Variants in MMP16 observed in about 807,000 individuals in gnomAD.
The protein encoded by MMP16 is matrix metallopeptidase 16.
In MMP16, 12 loss-of-function variants were observed where a neutral mutation model predicts 67.8. The ratio of observed to expected loss-of-function variants is 0.18; its 90% CI spans 0.11 to 0.29. The LOEUF (loss-of-function observed/expected upper bound fraction) is 0.29. Among genes scored for constraint, MMP16 ranks in the 10% least tolerant of loss-of-function variants. The pLI is 1.00. For missense variants in MMP16, 475 were observed against 765.7 expected (o/e 0.62, Z 4.48); for synonymous variants, 249 against 255.9 (o/e 0.97, Z 0.26).
chr8:88,048,730 C>A (rs995039499), intron 8 of MMP16, among the ~76,000 whole-genome samples: 1 of 152,112 alleles, frequency 6.6e-6, no homozygotes, highest in Non-Finnish European at 1.5e-5. Flanking sequence ...CAATGCTTTT[C>A]CCCCCACTAA....
chr8:88,130,760 G>A (rs911023709), intron 4 of MMP16, among the ~76,000 whole-genome samples: 3 of 24,884 alleles, frequency 1.2e-4, no homozygotes, highest in African/African-American at 8.7e-4. Flanking sequence ...TGTGAAATAC[G>A]TGTGTGTGTG....
chr8:88,203,888 T>C (rs571387910), intron 1 of MMP16, among the ~76,000 whole-genome samples: 2 of 152,302 alleles, frequency 1.3e-5, no homozygotes, highest in East Asian at 3.9e-4. Flanking sequence ...AATAGCTATT[T>C]TGGGATATGA....
chr8:88,187,376 T>C (rs1809092257), intron 2 of MMP16, among the ~76,000 whole-genome samples: 1 of 152,190 alleles, frequency 6.6e-6, no homozygotes, highest in African/African-American at 2.4e-5. Flanking sequence ...ACATTTTCTA[T>C]CTATTCTTGC....
At chr8:88,231,698 A>G (rs1282146850) in intron 1 of MMP16, among the ~76,000 whole-genome samples, 2 of 152,194 alleles carry the variant, frequency 1.3e-5, no homozygotes, top group Admixed American at 6.5e-5. Flanking sequence ...CTGTGAAAAC[A>G]TTCCTGGTAG....
intron 1 of MMP16, among the ~76,000 whole-genome samples, chr8:88,203,338 G>A (rs553714907): frequency 5.9e-5 from 9 of 151,956 alleles, no homozygotes; most frequent in Admixed American, 2.6e-4. Context: ...TCTTGACCTC[G>A]TGATCCACCC....
At chr8:88,186,975 G>C (rs948259034) in intron 2 of MMP16, among the ~76,000 whole-genome samples, 5 of 152,080 alleles carry the variant, frequency 3.3e-5, no homozygotes, top group African/African-American at 1.2e-4. Flanking sequence ...TGCCACTAAG[G>C]AGTTATTCCA....
intron 1 of MMP16, among the ~76,000 whole-genome samples, chr8:88,217,391 A>G (rs1443628797): frequency 6.6e-6 from 1 of 152,094 alleles, no homozygotes; most frequent in Admixed American, 6.6e-5. Context: ...ATTTACTACT[A>G]TGGTAACAAA....
intron 6 of MMP16, among the ~76,000 whole-genome samples, chr8:88,082,994 A>C: frequency 6.6e-6 from 1 of 152,130 alleles, no homozygotes; most frequent in Middle Eastern, 3.4e-3. Flanking sequence ...CACAAAAGAA[A>C]CTTCAAATAA....
chr8:88,165,059 T>C (rs1017425572), intron 4 of MMP16, among the ~76,000 whole-genome samples: 1 of 151,422 alleles, frequency 6.6e-6, no homozygotes, highest in African/African-American at 2.4e-5. Flanking sequence ...AGAGTGTTGG[T>C]TGATGCCTAA....
At chr8:88,273,248 C>CTTTT (rs575063640) in intron 1 of MMP16, among the ~76,000 whole-genome samples, 5 of 132,310 alleles carry the variant, frequency 3.8e-5, no homozygotes, top group Non-Finnish European at 6.4e-5. Flanking sequence ...CCATGCCTGG[C>CTTTT]TTTTTTTTTT....
chr8:88,073,028 C>T (rs1047515135), intron 7 of MMP16, among the ~76,000 whole-genome samples: 11 of 152,250 alleles, frequency 7.2e-5, no homozygotes, highest in East Asian at 5.8e-4. Context: ...GTGGCAGTTT[C>T]GCCTCAGGCA....
chr8:88,290,552 C>CA (rs546607293), intron 1 of MMP16, among the ~76,000 whole-genome samples: 4,582 of 141,342 alleles, frequency 0.032, 82 homozygotes, highest in South Asian at 0.046. Flanking sequence ...GACTCCGTCT[C>CA]AAAAAAAAAA....
chr8:88,072,513 G>A (rs938127937), intron 7 of MMP16, among the ~76,000 whole-genome samples: 1 of 152,104 alleles, frequency 6.6e-6, no homozygotes, highest in African/African-American at 2.4e-5. Flanking sequence ...AAATTTATTA[G>A]AGTAGGCATT....
At chr8:88,144,183 T>C (rs186414743) in intron 4 of MMP16, among the ~76,000 whole-genome samples, 152 of 152,138 alleles carry the variant, frequency 1.0e-3, no homozygotes, top group African/African-American at 3.5e-3. Context: ...ATTTTCTTGT[T>C]AGTATTTCCT....
At chr8:88,091,764 C>T (rs1216470936) in intron 6 of MMP16, among the ~76,000 whole-genome samples, 1 of 151,760 alleles carries the variant, frequency 6.6e-6, no homozygotes, top group Non-Finnish European at 1.5e-5. Context: ...ATATGATAGC[C>T]ACTAGCCATG....
chr8:88,200,408 T>C (rs1809324364), intron 1 of MMP16, among the ~76,000 whole-genome samples: 2 of 152,028 alleles, frequency 1.3e-5, no homozygotes, highest in South Asian at 4.1e-4. Flanking sequence ...TCTCATTATC[T>C]CTAGAACAAC....
At chr8:88,090,119 T>C (rs969261573) in intron 6 of MMP16, among the ~76,000 whole-genome samples, 6 of 151,984 alleles carry the variant, frequency 3.9e-5, no homozygotes, top group African/African-American at 7.2e-5. Flanking sequence ...TCTGCTTATA[T>C]ATGAAGGGAG....
rs942136945 is a variant in MMP16 at position 88,032,735 on chromosome 8, A to G, written c.*8726T>C. On this transcript the variant is annotated 3_prime_UTR_variant, in exon 10 of 10. Transcript: ENST00000286614. ...AAAAAAATGCCAGATTTAAGATGGT[A>G]TAAGTGTATAGAATCCTGTGTGGGA... 1.3e-5 allele frequency: 2 copies of G among 152,128 alleles called. No individual in the cohort carries two copies. Among genetic ancestry groups the G allele is most frequent in the Non-Finnish European group, 2.9e-5 (2 of 68,002 alleles). 9.4% of individuals were successfully genotyped at this position (152,128 alleles called of 1,614,324 possible).
intron 1 of MMP16, among the ~76,000 whole-genome samples, chr8:88,274,096 A>G (rs1417547904): frequency 1.3e-5 from 2 of 152,192 alleles, no homozygotes; most frequent in East Asian, 3.9e-4. Flanking sequence ...CAAACGTACC[A>G]TAGAAGGAGT....
Sources: gnomAD v4.1 joint callset for allele counts (sites outside exome capture counted in the v4.1 genomes callset) on GRCh38, gnomAD v4.1.1 for gene constraint, MANE v1.5 for transcripts, NCBI Gene and HGNC (gene_info 2026-07-23, HGNC 2026-07-21) for gene names.